The following MUC22 variants were observed in gnomAD, a reference collection of about 807,000 sequenced individuals.
MUC22 encodes mucin-22.
Under a neutral mutation model 40.3 loss-of-function variants are expected in MUC22, and 24 were observed. That is an observed-to-expected ratio of 0.60 (90% CI 0.43 to 0.84). MUC22 has a LOEUF of 0.84. Ranked by LOEUF, MUC22 falls within the 40% of genes least tolerant of loss-of-function variation. The pLI, the probability that MUC22 is intolerant of heterozygous loss-of-function variation, is 0.00. For missense variants in MUC22, 1,926 were observed against 2,130.7 expected (o/e 0.90, Z 1.89); for synonymous variants, 765 against 844.5 (o/e 0.91, Z 1.63).
chr6:31,023,213 C>T (rs9262541), intron 1 of MUC22, among the ~76,000 whole-genome samples: 21,830 of 149,406 alleles, frequency 0.15, 1,739 homozygotes, highest in African/African-American at 0.19. Context: ...GAAGATCAGA[C>T]GAGAAAAATA....
At chr6:31,028,873 A>ACTGAAGGCTCTGAGACCACCACAG (rs2150798968) in exon 2 of MUC22, 1 of 1,375,404 alleles carries the variant, frequency 7.3e-7, no homozygotes, top group Non-Finnish European at 9.4e-7. Context: ...GACTACCACC[A>ACTGAAGGCTCTGAGACCACCACAG]CCTCTACTGA....
intron 1 of MUC22, among the ~76,000 whole-genome samples, chr6:31,017,039 G>A (rs970742314): frequency 1.3e-5 from 2 of 152,218 alleles, no homozygotes; most frequent in Non-Finnish European, 2.9e-5. Context: ...TCCCTGAGGG[G>A]CACGGCTTGG....
At chr6:31,010,851 T>TTAG in intron 1 of MUC22, 75 bp downstream of exon 1, 2 of 672,812 alleles carry the variant, frequency 3.0e-6, no homozygotes, top group South Asian at 1.6e-5. Context: ...GGGAATCCCC[T>TTAG]GCCCAGGCAT....
intron 1 of MUC22, among the ~76,000 whole-genome samples, chr6:31,023,505 A>G (rs1014149578): frequency 6.6e-6 from 1 of 152,176 alleles, no homozygotes; most frequent in African/African-American, 2.4e-5. Flanking sequence ...TGATTGTGCC[A>G]CTGCATTATA....
Position 31,028,355 on chromosome 6 carries a change from C to A in MUC22, c.2924C>A (p.Thr975Asn). Residue 975 changes from threonine (T) to asparagine (N), a missense_variant, in exon 2 of 4, where the codon ACT (threonine) becomes AAT (asparagine). Transcript: ENST00000561890. ...ACTTCTACTGAAGGCTCTGAGATTA[C>A]TACAGCCTCCATCACAGGCTCTGAG... is the stretch of plus-strand genomic sequence containing the variant. 2.0e-6 allele frequency: 3 copies of A among 1,534,434 alleles called. No homozygotes were observed. In the African/African-American group the frequency reaches 4.1e-5, roughly 21 times the overall value.
chr6:31,031,651 T>C (rs1236519136), intron 2 of MUC22, among the ~76,000 whole-genome samples: 1 of 152,158 alleles, frequency 6.6e-6, no homozygotes, highest in Non-Finnish European at 1.5e-5. Flanking sequence ...TTGAAGTCTT[T>C]TATCCCTCGC....
chr6:31,007,721 G>A (rs41291746), upstream of MUC22, among the ~76,000 whole-genome samples: 553 of 152,162 alleles, frequency 3.6e-3, 2 homozygotes, highest in South Asian at 0.026. This position sits in a 1 kb window ranked among gnomAD's most constrained non-coding sequence, Gnocchi z 4.0. Context: ...GTAATTGCCG[G>A]GTCCCTGGAA....
rs1374461400 is a variant in MUC22 at position 31,032,446 on chromosome 6, C to T, written c.4920C>T (p.Asn1640=). The change falls in exon 3 of 4, where the codon AAC becomes AAT. Residue 1640 remains asparagine, a synonymous_variant. Coordinates refer to ENST00000561890, the Ensembl canonical transcript of MUC22. This position sits in a 1 kb window ranked among gnomAD's most constrained non-coding sequence, Gnocchi z 4.1. ...CAGGCCCGGTGTCCATGGGCACAAA[C>T]ACAGTTAGCATGAGCCACACACCCA... 2 of 1,535,718 alleles carry T rather than the reference C, an allele frequency of 1.3e-6. No individual in the cohort carries two copies. Among genetic ancestry groups the T allele is most frequent in the Non-Finnish European group, 8.7e-7 (1 of 1,146,910 alleles).
chr6:31,034,620 G>A, intron 3 of MUC22, 52 bp from the exon 4 acceptor site: 3 of 1,443,458 alleles, frequency 2.1e-6, no homozygotes, highest in Non-Finnish European at 2.8e-6. Context: ...ATGGTGATTA[G>A]GGAGAGGAGA....
At chr6:31,017,372 C>G (rs1169626088) in intron 1 of MUC22, among the ~76,000 whole-genome samples, 2 of 152,078 alleles carry the variant, frequency 1.3e-5, no homozygotes, top group Non-Finnish European at 2.9e-5. Flanking sequence ...AATCAGCACC[C>G]TGTGTCTAGC....
In MUC22 at chr6:31,026,311, G is replaced by T; in HGVS notation, c.880G>T (p.Gly294Cys). ...TGAGACCACCACAGCCTCTACAGCA[G>T]GTTCTGAGACCACCACCCCCTCCCC... The change falls in exon 2 of 4, where the codon GGT becomes TGT. Residue 294 changes from glycine (G) to cysteine (C), a missense_variant. Gly to Cys is a radical substitution (Grantham distance 159). Coordinates refer to ENST00000561890, the Ensembl canonical transcript of MUC22. 16 of 1,509,868 alleles carry T rather than the reference G, an allele frequency of 1.1e-5. 1 individual carries two copies. The highest frequency in any genetic ancestry group is 1.3e-5 in the Non-Finnish European group (15 of 1,129,808). The allele number at this position is 1,509,868 out of a possible 1,614,324, so 93.5% of individuals were successfully genotyped here.
intron 1 of MUC22, among the ~76,000 whole-genome samples, chr6:31,013,419 GC>G (rs898187427): frequency 1.3e-5 from 2 of 151,158 alleles, no homozygotes; most frequent in African/African-American, 4.9e-5. Flanking sequence ...GAGCTACCGG[GC>G]CTGGCCCCTC....
chr6:31,018,262 C>T (rs542409958), intron 1 of MUC22, among the ~76,000 whole-genome samples: 1,835 of 152,324 alleles, frequency 0.012, 26 homozygotes, highest in Middle Eastern at 0.02. Context: ...CATCCAAGTG[C>T]TTGAGTGGAA....
intron 1 of MUC22, among the ~76,000 whole-genome samples, chr6:31,020,819 C>T (rs1438959984): frequency 3.3e-5 from 5 of 152,222 alleles, no homozygotes; most frequent in Admixed American, 1.3e-4. Context: ...CTCGAAGCAG[C>T]CAGCGGGCCC....
upstream of MUC22, chr6:31,006,199 T>C: frequency 3.0e-6 from 1 of 330,298 alleles, no homozygotes; most frequent in South Asian, 2.3e-5. Context: ...GCATTTTTGC[T>C]TAATTCACCA....
chr6:31,013,181 C>T (rs1763969034), intron 1 of MUC22, among the ~76,000 whole-genome samples: 1 of 144,826 alleles, frequency 6.9e-6, no homozygotes, highest in South Asian at 2.3e-4. Context: ...GGCTAGAGTG[C>T]AGTGCTGCAA....
chr6:31,026,245 A>T (rs1765314337), exon 2 of MUC22: 4 of 1,531,682 alleles, frequency 2.6e-6, no homozygotes, highest in Non-Finnish European at 2.6e-6. Flanking sequence ...CACAGCCTCT[A>T]CCACAGGCTC....
chr6:31,031,441 A>C (rs1366005829), intron 2 of MUC22, among the ~76,000 whole-genome samples: 1 of 152,206 alleles, frequency 6.6e-6, no homozygotes, highest in African/African-American at 2.4e-5. Context: ...CCCAGTGATC[A>C]CAGTCACAAA....
exon 2 of MUC22, chr6:31,028,946 G>A: frequency 2.0e-6 from 3 of 1,532,626 alleles, no homozygotes; most frequent in African/African-American, 1.4e-5. Flanking sequence ...TCTACCACAG[G>A]CTCTGAGACC....
Sources: gnomAD v4.1 joint callset for allele counts (sites outside exome capture counted in the v4.1 genomes callset) on GRCh38, gnomAD v4.1.1 for gene constraint, Gnocchi (gnomAD v3.1) non-coding constraint, MANE v1.5 for transcripts, NCBI Gene and HGNC (gene_info 2026-07-23, HGNC 2026-07-21) for gene names.